Variants in CCDC148 observed in about 807,000 individuals in gnomAD.
The protein encoded by CCDC148 is coiled-coil domain-containing protein 148.
A neutral mutation model predicts 85.7 loss-of-function variants in CCDC148; 89 were observed. The ratio of observed to expected loss-of-function variants is 1.04; its 90% CI spans 0.87 to 1.24. CCDC148 has a LOEUF of 1.24. CCDC148 is among the 50% of genes most tolerant of loss of function. The pLI is 0.00. For synonymous variants in CCDC148, 230 were observed against 213.9 expected (o/e 1.08, Z -0.66); for missense variants, 692 against 671.7 (o/e 1.03, Z -0.33).
At chr2:158,177,664 A>C (rs1159384462) in intron 12 of CCDC148, among the ~76,000 whole-genome samples, 1 of 152,166 alleles carries the variant, frequency 6.6e-6, no homozygotes, top group Middle Eastern at 3.2e-3. Context: ...TAAGTTGAAT[A>C]ACTAAAATTT....
At position 158,211,961 on chromosome 2, in the gene CCDC148, T is replaced by C. The variant is rs529797515; in HGVS notation, c.1370+8634A>G. 1.1e-3 allele frequency among the ~76,000 whole-genome samples: 161 copies of C among 152,322 alleles called. 1 individual carries two copies. Among genetic ancestry groups the C allele is most frequent in the African/African-American group, 3.8e-3 (156 of 41,578 alleles). ...AATAATCTGTGTATCCATGTCCCAA[T>C]GTATGAACACACACATCTCCCACAA... On this transcript the variant is annotated intron_variant, in intron 11 of 13. Coordinates refer to ENST00000283233, the MANE Select transcript of CCDC148 (RefSeq NM_138803.4).
intron 11 of CCDC148, among the ~76,000 whole-genome samples, chr2:158,203,330 T>C (rs1686066539): frequency 6.6e-6 from 1 of 152,184 alleles, no homozygotes; most frequent in Non-Finnish European, 1.5e-5. Flanking sequence ...ACAAATAACT[T>C]CCTAAGCAAT....
At chr2:158,315,355 T>A (rs1222943758) in intron 7 of CCDC148, among the ~76,000 whole-genome samples, 2 of 152,196 alleles carry the variant, frequency 1.3e-5, no homozygotes, top group Non-Finnish European at 2.9e-5. Context: ...CAGGTTAACA[T>A]AAATGCATTT....
intron 1 of CCDC148, among the ~76,000 whole-genome samples, chr2:158,367,932 A>G (rs1684272342): frequency 6.6e-6 from 1 of 152,174 alleles, no homozygotes; most frequent in Non-Finnish European, 1.5e-5. Context: ...TTCACAAGTA[A>G]TTTACTTAGT....
chr2:158,289,363 G>A (rs1461692736), intron 9 of CCDC148, among the ~76,000 whole-genome samples: 1 of 151,830 alleles, frequency 6.6e-6, no homozygotes, highest in Non-Finnish European at 1.5e-5. Flanking sequence ...TAATGAACAA[G>A]TACAAATCGA....
chr2:158,332,399 C>T (rs928249388), intron 7 of CCDC148, among the ~76,000 whole-genome samples: 2 of 148,280 alleles, frequency 1.3e-5, no homozygotes, highest in African/African-American at 5.1e-5. Flanking sequence ...TGGGCTTCCC[C>T]TTGTGGGTAA....
At chr2:158,296,587 A>G (rs1192997952) in intron 9 of CCDC148, among the ~76,000 whole-genome samples, 2 of 152,238 alleles carry the variant, frequency 1.3e-5, no homozygotes, top group African/African-American at 4.8e-5. Flanking sequence ...AAATGCAAAC[A>G]TCTATATTCT....
chr2:158,356,524 C>T, intron 2 of CCDC148, among the ~76,000 whole-genome samples: 1 of 152,154 alleles, frequency 6.6e-6, no homozygotes, highest in East Asian at 1.9e-4. Context: ...ATCAAAACTA[C>T]AATGAGATAC....
intron 11 of CCDC148, among the ~76,000 whole-genome samples, chr2:158,204,842 G>T (rs1453061685): frequency 6.6e-6 from 1 of 152,170 alleles, no homozygotes; most frequent in Non-Finnish European, 1.5e-5. Flanking sequence ...GAGACATGAA[G>T]AACACAGGAA....
chr2:158,283,371 A>G (rs1268201642), intron 9 of CCDC148, among the ~76,000 whole-genome samples: 2 of 152,244 alleles, frequency 1.3e-5, no homozygotes, highest in Non-Finnish European at 1.5e-5. Flanking sequence ...AATTTTTGCA[A>G]TCTACTCATC....
At chr2:158,230,030 A>C (rs775035052) in intron 10 of CCDC148, among the ~76,000 whole-genome samples, 1 of 152,134 alleles carries the variant, frequency 6.6e-6, no homozygotes, top group Non-Finnish European at 1.5e-5. Flanking sequence ...ATCGGATCAA[A>C]TATCCTTTCC....
intron 9 of CCDC148, among the ~76,000 whole-genome samples, chr2:158,282,403 T>C (rs1186795505): frequency 2.6e-5 from 4 of 152,350 alleles, no homozygotes; most frequent in South Asian, 4.1e-4. Context: ...CAAAATCTCC[T>C]TAAGCTGATA....
chr2:158,190,382 C>A (rs1016336906), intron 11 of CCDC148, among the ~76,000 whole-genome samples: 2 of 151,980 alleles, frequency 1.3e-5, no homozygotes, highest in Admixed American at 6.6e-5. Flanking sequence ...CACATTTATA[C>A]AAAGTGCCAT....
At chr2:158,318,362 G>C (rs1009277021) in intron 7 of CCDC148, among the ~76,000 whole-genome samples, 8 of 152,050 alleles carry the variant, frequency 5.3e-5, no homozygotes, top group African/African-American at 1.7e-4. Flanking sequence ...ACTTTCACTA[G>C]CAAGGTCAAA....
rs1158352091 is a variant in CCDC148, at chr2:158,354,378, A to G, written c.147+4071T>C. ...AGAGAAGAATCTAATAGACACAATA[A>G]AAAATGATAAAGGGGATCTCACCAC... On this transcript the variant is annotated intron_variant, in intron 2 of 13. Transcript: ENST00000283233. Among the ~76,000 whole-genome samples, 15 of 152,278 alleles carry G rather than the reference A, an allele frequency of 9.9e-5. No homozygotes were observed. The South Asian group carries it at 2.7e-3, about 27-fold the overall frequency.
chr2:158,331,052 T>A (rs1273831188), intron 7 of CCDC148, among the ~76,000 whole-genome samples: 1 of 152,226 alleles, frequency 6.6e-6, no homozygotes, highest in Non-Finnish European at 1.5e-5. Context: ...TTCTGCTAGC[T>A]TTTGAATGTG....
intron 7 of CCDC148, among the ~76,000 whole-genome samples, chr2:158,330,371 G>T (rs1428792235): frequency 6.6e-6 from 1 of 152,152 alleles, no homozygotes; most frequent in Non-Finnish European, 1.5e-5. Context: ...CTTGATTATG[G>T]TGGATAAGCT....
intron 1 of CCDC148, among the ~76,000 whole-genome samples, chr2:158,452,722 G>A (rs1688454997): frequency 2.0e-5 from 3 of 152,184 alleles, no homozygotes; most frequent in South Asian, 2.1e-4. Context: ...CTCCCCACAG[G>A]GGCTGATGCC....
chr2:158,353,144 G>A (rs13404272), intron 2 of CCDC148, among the ~76,000 whole-genome samples: 24,762 of 145,984 alleles, frequency 0.17, 3,488 homozygotes, highest in African/African-American at 0.39. Flanking sequence ...AAAGACCATC[G>A]AGACTAGGAA....
Sources: gnomAD v4.1 joint callset for allele counts (sites outside exome capture counted in the v4.1 genomes callset) on GRCh38, gnomAD v4.1.1 for gene constraint, MANE v1.5 for transcripts, NCBI Gene and HGNC (gene_info 2026-07-23, HGNC 2026-07-21) for gene names.